Variants in ZAN observed in about 807,000 individuals in gnomAD.
ZAN encodes the protein zonadhesin (gene/pseudogene).
ZAN carries 260 observed loss-of-function variants against 286.2 expected under a neutral mutation model. The ratio of observed to expected loss-of-function variants is 0.91; its 90% CI spans 0.82 to 1.01. The LOEUF is 1.01. Among genes scored for constraint, ZAN ranks in the 50% least tolerant of loss-of-function variants. The pLI is 0.00. For missense variants in ZAN, 3,410 were observed against 3,639.2 expected, an observed-to-expected ratio of 0.94 and a Z score of 1.62; for synonymous variants, 1,368 against 1,417.5, an observed-to-expected ratio of 0.97 and a Z score of 0.79.
chr7:100,748,321 C>A lies in ZAN; in HGVS notation c.1103-3C>A. 6.2e-7 allele frequency: 1 copy of A among 1,613,940 alleles called. No homozygotes were observed. Among genetic ancestry groups the A allele is most frequent in the South Asian group, 1.1e-5 (1 of 91,086 alleles). On this transcript the variant is annotated splice_region_variant and splice_polypyrimidine_tract_variant and intron_variant, in intron 10 of 47. Transcript: ENST00000613979. ...GCTCAAATATCCTATTTTGATCCCC[C>A]AGAGGGTTTTCCTCAGTGTGACTTT...
chr7:100,779,891 A>G, intron 35 of ZAN, 141 bp downstream of exon 35: 1 of 1,005,828 alleles, frequency 9.9e-7, no homozygotes. Context: ...ACTATTTTTT[A>G]ATTTTTATAT....
rs369936309 is a variant in ZAN at position 100,792,093 on chromosome 7, C to T, written c.7657C>T (p.Pro2553Ser). Residue 2553 changes from proline (P) to serine (S), a missense_variant, in exon 41 of 48, where the codon CCC (proline) becomes TCC (serine). Around this residue, in one of 7 missense-constraint regions of ZAN, gnomAD observed 1,289 missense variants for 1,314.3 expected, o/e 0.98. Coordinates refer to ENST00000613979, the MANE Select transcript of ZAN (RefSeq NM_003386.3). ...STQACRVLAD[P>S]QGPFAACHQT... ...CCAGGCCTGTAGGGTGCTGGCAGACCCCCAGGGCCCCTTTGCTGCCTGTCA... is the reference window on the plus strand; with the variant it reads ...CCAGGCCTGTAGGGTGCTGGCAGACTCCCAGGGCCCCTTTGCTGCCTGTCA... 56 of 1,612,908 alleles carry T rather than the reference C, an allele frequency of 3.5e-5. No homozygotes were observed. In the East Asian group the frequency reaches 8.0e-4, roughly 23 times the overall value.
At position 100,753,487 on chromosome 7, in the gene ZAN, T is replaced by C. The variant is rs1272668497; in HGVS notation, c.3124+258T>C. Among the ~76,000 whole-genome samples, 87 of 152,068 alleles carry C rather than the reference T, an allele frequency of 5.7e-4. 1 individual carries two copies. Among genetic ancestry groups the C allele is most frequent in the Non-Finnish European group, 4.4e-5 (3 of 68,004 alleles). ...GAGGCTTCCTTCTCGTTGTTTGTTA[T>C]TGAGATATAATCCATATTTCATAAA... On this transcript the variant is annotated intron_variant, in intron 14 of 47. Transcript: ENST00000613979.
rs369415995 is a variant in ZAN at position 100,747,626 on chromosome 7, C to T, written c.1008C>T (p.Ala336=). The change falls in exon 9 of 48, where the codon GCC becomes GCT. Residue 336 remains alanine, a synonymous_variant. Transcript: ENST00000613979. ...NWQAVSVNYT[A]VGRIQFAVVG... is the part of the protein sequence containing the mutation. ...AGGCTGTTTCTGTCAATTACACAGC[C>T]GTGGGACGGATACAGGTACAGAGAA... 5.0e-6 allele frequency: 8 copies of T among 1,613,580 alleles called. No homozygotes were observed. The highest frequency in any genetic ancestry group is 1.7e-5 in the Admixed American group (1 of 59,954).
chr7:100,760,259 C>G (rs1393911701), intron 18 of ZAN, 132 bp from the exon 19 acceptor site: 1 of 1,221,814 alleles, frequency 8.2e-7, no homozygotes, highest in Non-Finnish European at 1.2e-6. Flanking sequence ...AAGCTCCAGT[C>G]CACTCCTGGT....
chr7:100,746,194 C>T (rs922307936), intron 7 of ZAN, among the ~76,000 whole-genome samples: 5 of 152,042 alleles, frequency 3.3e-5, no homozygotes, highest in African/African-American at 7.2e-5. Flanking sequence ...GCCATGATTG[C>T]GCCACTGCAC....
Position 100,752,640 on chromosome 7 carries a change from C to G in ZAN, c.2535C>G (p.Ile845Met). 1 of 1,612,252 alleles carries G rather than the reference C, an allele frequency of 6.2e-7. No individual in the cohort carries two copies. The highest frequency in any genetic ancestry group is 8.5e-7 in the Non-Finnish European group (1 of 1,179,310). ...CCATCTCTACAGAAAAACTCACCAT[C>G]CCCATGGAAAAACCCACCATCTCCA... ...ETTISTEKLT[I>M]PMEKPTISTE... is the part of the protein sequence containing the mutation. The change falls in exon 14 of 48, where the codon ATC becomes ATG. Residue 845 changes from isoleucine (I) to methionine (M), a missense_variant. Ile to Met is a conservative substitution (Grantham distance 10). Around this residue, in one of 7 missense-constraint regions of ZAN, gnomAD observed 90 missense variants for 87.1 expected, o/e 1.03. Coordinates refer to ENST00000613979, the MANE Select transcript of ZAN (RefSeq NM_003386.3).
rs1808640241 is a variant in ZAN at position 100,751,230 on chromosome 7, A to C, written c.1570A>C (p.Met524Leu). 1 of 1,609,410 alleles carries C rather than the reference A, an allele frequency of 6.2e-7. No individual in the cohort carries two copies. Among genetic ancestry groups the C allele is most frequent in the South Asian group, 1.1e-5 (1 of 90,338 alleles). ...AAGCAACACGGCCTCTGTGGTTGCT[A>C]TGGGTTTCATCTTGATCAATCCTGG... is the stretch of plus-strand genomic sequence containing the variant. The part of the protein sequence containing the change: ...QGSNTASVVA[M>L]GFILINPGTC... Residue 524 changes from methionine to leucine, a missense_variant, in exon 13 of 48, where the codon ATG becomes CTG. Transcript: ENST00000613979.
At chr7:100,766,748 C>T in intron 24 of ZAN, 82 bp downstream of exon 24, 1 of 1,487,630 alleles carries the variant, frequency 6.7e-7, no homozygotes, top group South Asian at 1.3e-5. Flanking sequence ...AAAGCAGCTT[C>T]CCCAGACAGC....
In ZAN at chr7:100,768,530, G is replaced by C. The variant is rs1810161886; in HGVS notation, c.5042-80G>C. On this transcript the variant is annotated intron_variant, in intron 26 of 47. Transcript: ENST00000613979. ...CTTGCTATGTAGAATGAAAAGTGAG[G>C]GTGCCAGGAGGATGGTGGCCCTGGG... The C allele has an allele frequency of 4.3e-6, 5 of 1,156,854 alleles. No homozygotes were observed. In the South Asian group the frequency reaches 7.7e-5, roughly 18 times the overall value. 71.7% of individuals were successfully genotyped at this position (1,156,854 alleles called of 1,614,324 possible).
rs766796175 is a variant in ZAN at position 100,776,426 on chromosome 7, C to T, written c.6193-14C>T. The T allele has an allele frequency of 2.5e-6, 4 of 1,600,052 alleles. No homozygotes were observed. The African/African-American group carries it at 4.0e-5, about 16-fold the overall frequency. ...GTGCTTCCCCAGCACCGAAAAACCA[C>T]TCTCCCCCGCCAGGTCTGCGGCATG... is the stretch of plus-strand genomic sequence containing the variant. On this transcript the variant is annotated splice_polypyrimidine_tract_variant and intron_variant, in intron 33 of 47. Transcript: ENST00000613979.
At chr7:100,750,014 GCACTCC>G (rs1808533971) in intron 11 of ZAN, among the ~76,000 whole-genome samples, 1 of 142,684 alleles carries the variant, frequency 7.0e-6, no homozygotes, top group Admixed American at 7.0e-5. Flanking sequence ...TCGTGTCACT[GCACTCC>G]AGCCTGGGCA....
At chr7:100,783,897 T>G (rs1811388729) in intron 35 of ZAN, among the ~76,000 whole-genome samples, 1 of 147,430 alleles carries the variant, frequency 6.8e-6, no homozygotes, top group Non-Finnish European at 1.5e-5. Context: ...ACCATGTTGC[T>G]GAACCTTCTT....
chr7:100,795,593 C>T (rs559758858), intron 45 of ZAN, among the ~76,000 whole-genome samples: 10 of 150,800 alleles, frequency 6.6e-5, no homozygotes, highest in Admixed American at 3.3e-4. Context: ...CCTAGAAATT[C>T]GCAGGACAAG....
At chr7:100,796,845 G>C (rs953934503) in intron 45 of ZAN, among the ~76,000 whole-genome samples, 2 of 152,136 alleles carry the variant, frequency 1.3e-5, no homozygotes, top group Admixed American at 1.3e-4. Flanking sequence ...CACCTAAATA[G>C]GCTTAAGGGA....
In ZAN at chr7:100,794,118, A is replaced by C. The variant is rs1350505782; in HGVS notation, c.7987-2A>C. The C allele has an allele frequency of 6.2e-7, 1 of 1,613,948 alleles. No homozygotes were observed. Among genetic ancestry groups the C allele is most frequent in the Admixed American group, 1.7e-5 (1 of 60,016 alleles). On this transcript the variant is annotated splice_acceptor_variant, in intron 43 of 47. Transcript: ENST00000613979. LOFTEE classifies it high-confidence loss of function. The stretch of plus-strand genomic sequence containing the variant: ...TCTCCTCCTGGCCCTTCCCCTTTCT[A>C]GCTGGGCAGCAGCTTTCTGACTGAG...
At chr7:100,757,754 CA>C (rs1166217824) in intron 15 of ZAN, among the ~76,000 whole-genome samples, 1,563 of 57,468 alleles carry the variant, frequency 0.027, 17 homozygotes, top group African/African-American at 0.083. Flanking sequence ...GACTCCGTCT[CA>C]AAAAAAAAAA....
At chr7:100,781,885 C>G (rs963307875) in intron 35 of ZAN, among the ~76,000 whole-genome samples, 2 of 152,148 alleles carry the variant, frequency 1.3e-5, no homozygotes, top group African/African-American at 4.8e-5. Flanking sequence ...GGTGATCCAC[C>G]TGCCTCAAGC....
intron 26 of ZAN, 84 bp downstream of exon 26, chr7:100,768,095 A>G: frequency 2.0e-6 from 3 of 1,464,560 alleles, no homozygotes; most frequent in Non-Finnish European, 2.7e-6. Context: ...CATCTCTGTG[A>G]GGTGTTCTAA....
Sources: gnomAD v4.1 joint callset for allele counts (sites outside exome capture counted in the v4.1 genomes callset) on GRCh38, gnomAD v4.1.1 for gene constraint, gnomAD v4.1.1 regional missense constraint, MANE v1.5 for transcripts, NCBI Gene and HGNC (gene_info 2026-07-23, HGNC 2026-07-21) for gene names.